ADCY2: variants seen among roughly 807,000 people sequenced by gnomAD.
ADCY2 encodes adenylate cyclase type 2.
A neutral mutation model predicts 125.2 loss-of-function variants in ADCY2; 31 were observed. The ratio of observed to expected loss-of-function variants is 0.25; its 90% CI spans 0.19 to 0.33. The LOEUF is 0.33. ADCY2 is among the 10% of genes least tolerant of loss of function. The pLI, the probability that ADCY2 is intolerant of heterozygous loss-of-function variation, is 1.00. For missense variants in ADCY2, 904 were observed against 1,418.2 expected, an observed-to-expected ratio of 0.64 and a Z score of 5.82; for synonymous variants, 512 against 548.4, an observed-to-expected ratio of 0.93 and a Z score of 0.93.
intron 2 of ADCY2, among the ~76,000 whole-genome samples, chr5:7,469,746 T>C (rs1742267866): frequency 6.6e-6 from 1 of 152,036 alleles, no homozygotes; most frequent in South Asian, 2.1e-4. Flanking sequence ...TCTAAATTCA[T>C]TTATAAGTTT....
intron 2 of ADCY2, among the ~76,000 whole-genome samples, chr5:7,517,921 T>G (rs1357473729): frequency 6.6e-6 from 1 of 152,344 alleles, no homozygotes; most frequent in East Asian, 1.9e-4. Context: ...AGAGAGGTTC[T>G]CTTTTGTAAT....
At chr5:7,658,111 G>A (rs1229760419) in intron 4 of ADCY2, 1 of 152,230 alleles carries the variant, frequency 6.6e-6, no homozygotes, top group East Asian at 1.9e-4. Flanking sequence ...AAGCTGATCA[G>A]CCAAAGACTT....
chr5:7,441,417 G>GTT (rs60283566), intron 2 of ADCY2, among the ~76,000 whole-genome samples: 1 of 148,088 alleles, frequency 6.8e-6, no homozygotes, highest in Non-Finnish European at 1.5e-5. Context: ...TATTTTTAGT[G>GTT]TTTTTTTTTT....
At chr5:7,493,248 T>C (rs1743228065) in intron 2 of ADCY2, among the ~76,000 whole-genome samples, 1 of 152,140 alleles carries the variant, frequency 6.6e-6, no homozygotes, top group Non-Finnish European at 1.5e-5. Context: ...GGTCCATCTC[T>C]CCATGAGCTG....
chr5:7,513,970 T>G (rs1354902483), intron 2 of ADCY2, among the ~76,000 whole-genome samples: 4 of 152,186 alleles, frequency 2.6e-5, no homozygotes, highest in Non-Finnish European at 5.9e-5. Context: ...GATGGTGTGT[T>G]CTCCACAGAA....
chr5:7,660,262 A>C (rs1475070209), intron 4 of ADCY2, among the ~76,000 whole-genome samples: 1 of 148,930 alleles, frequency 6.7e-6, no homozygotes, highest in East Asian at 2.0e-4. Flanking sequence ...GAAGGAAGGA[A>C]GGAAGGAAGG....
chr5:7,573,094 A>G (rs568921603), intron 3 of ADCY2, among the ~76,000 whole-genome samples: 24 of 152,284 alleles, frequency 1.6e-4, no homozygotes, highest in East Asian at 9.7e-4. Context: ...ATCCAAGGAG[A>G]GAGGCCCTAG....
chr5:7,695,803 C>A lies in ADCY2; in HGVS notation c.921C>A (p.Ser307=). 6.2e-7 allele frequency: 1 copy of A among 1,613,016 alleles called. No homozygotes were observed. Among genetic ancestry groups the A allele is most frequent in the South Asian group, 1.1e-5 (1 of 90,974 alleles). ...VGFTRLASDC[S]PGELVHMLNE... is the part of the protein sequence containing the mutation. ...TTACCCGGCTGGCAAGTGACTGCTCCCCGGGAGAACTAGTCCACATGCTGA... is the reference window on the plus strand; with the variant it reads ...TTACCCGGCTGGCAAGTGACTGCTCACCGGGAGAACTAGTCCACATGCTGA... The change falls in exon 6 of 25, where the codon TCC becomes TCA. Residue 307 remains serine, a synonymous_variant. Coordinates refer to ENST00000338316, the MANE Select transcript of ADCY2 (RefSeq NM_020546.3).
At chr5:7,509,748 A>T (rs377697993) in intron 2 of ADCY2, among the ~76,000 whole-genome samples, 19 of 152,348 alleles carry the variant, frequency 1.2e-4, no homozygotes, top group Admixed American at 6.5e-4. Flanking sequence ...TATAGAGTTG[A>T]TATTCTAAGC....
intron 19 of ADCY2, among the ~76,000 whole-genome samples, chr5:7,787,235 C>G (rs1304256663): frequency 6.6e-6 from 1 of 152,214 alleles, no homozygotes; most frequent in Non-Finnish European, 1.5e-5. Flanking sequence ...CTCTGCAGCA[C>G]TGCCCTCCCT....
chr5:7,720,624 C>T (rs1561186620), intron 12 of ADCY2, among the ~76,000 whole-genome samples: 1 of 151,962 alleles, frequency 6.6e-6, no homozygotes, highest in Non-Finnish European at 1.5e-5. Flanking sequence ...TCAGTTCCCA[C>T]CTATGAGTGA....
intron 4 of ADCY2, among the ~76,000 whole-genome samples, chr5:7,677,668 G>C (rs1349481652): frequency 6.6e-6 from 1 of 152,176 alleles, no homozygotes; most frequent in Non-Finnish European, 1.5e-5. Context: ...CCAGCTTGTA[G>C]GGTCAGCCCA....
intron 9 of ADCY2, among the ~76,000 whole-genome samples, chr5:7,708,937 CTGTTT>C (rs2077885336): frequency 6.6e-6 from 1 of 152,154 alleles, no homozygotes; most frequent in Non-Finnish European, 1.5e-5. Flanking sequence ...TCAGCACATT[CTGTTT>C]TAAGAATTTA....
chr5:7,634,372 T>C (rs1738423748), intron 4 of ADCY2, among the ~76,000 whole-genome samples: 1 of 152,220 alleles, frequency 6.6e-6, no homozygotes, highest in Non-Finnish European at 1.5e-5. Flanking sequence ...TTGGAGATTA[T>C]ACTTTTAGGG....
At chr5:7,792,601 C>G (rs1364932896) in intron 20 of ADCY2, among the ~76,000 whole-genome samples, 1 of 152,114 alleles carries the variant, frequency 6.6e-6, no homozygotes, top group Non-Finnish European at 1.5e-5. Context: ...GGCCAGACCT[C>G]CAGGAGTAGC....
chr5:7,810,589 G>A (rs1483229816), intron 22 of ADCY2, among the ~76,000 whole-genome samples: 1 of 151,636 alleles, frequency 6.6e-6, no homozygotes, highest in Non-Finnish European at 1.5e-5. Context: ...TACCTACCTG[G>A]TTGTGGGCTA....
intron 14 of ADCY2, among the ~76,000 whole-genome samples, chr5:7,740,548 A>G (rs1002757531): frequency 3.3e-5 from 5 of 152,056 alleles, no homozygotes; most frequent in African/African-American, 1.2e-4. Context: ...TTCATAAGAC[A>G]TAGAAGTTGA....
intron 4 of ADCY2, among the ~76,000 whole-genome samples, chr5:7,675,423 C>T (rs1381453353): frequency 6.6e-6 from 1 of 152,142 alleles, no homozygotes; most frequent in Non-Finnish European, 1.5e-5. Context: ...TGGAGGGCAA[C>T]TGGGATGACC....
chr5:7,564,300 A>G (rs1288738691), intron 3 of ADCY2, among the ~76,000 whole-genome samples: 1 of 152,168 alleles, frequency 6.6e-6, no homozygotes, highest in Non-Finnish European at 1.5e-5. Flanking sequence ...GGCAAATTTA[A>G]TATTCTCTTC....
Sources: gnomAD v4.1 joint callset for allele counts (sites outside exome capture counted in the v4.1 genomes callset) on GRCh38, gnomAD v4.1.1 for gene constraint, MANE v1.5 for transcripts, NCBI Gene and HGNC (gene_info 2026-07-23, HGNC 2026-07-21) for gene names.